RUNDC1: variants seen among roughly 807,000 people sequenced by gnomAD.
The protein encoded by RUNDC1 is RUN domain containing 1.
RUNDC1 carries 31 observed loss-of-function variants against 49.3 expected under a neutral mutation model. The observed-to-expected ratio is 0.63, with a 90% CI of 0.47 to 0.85. RUNDC1 has a LOEUF of 0.85. Ranked by LOEUF, RUNDC1 falls within the 40% of genes least tolerant of loss-of-function variation. RUNDC1 has a pLI of 0.00. For missense variants in RUNDC1, 715 were observed against 806.7 expected, an observed-to-expected ratio of 0.89 and a Z score of 1.38; for synonymous variants, 347 against 348.6, an observed-to-expected ratio of 1.00 and a Z score of 0.05.
chr17:42,989,642 T>C, intron 3 of RUNDC1, 103 bp downstream of exon 3: 1 of 1,100,054 alleles, frequency 9.1e-7, no homozygotes, highest in Admixed American at 2.0e-5. Context: ...TTTGTTCTTT[T>C]TTGGGCGGTG....
chr17:42,985,166 C>T (rs1290019432), intron 1 of RUNDC1, among the ~76,000 whole-genome samples: 1 of 152,156 alleles, frequency 6.6e-6, no homozygotes, highest in South Asian at 2.1e-4. Flanking sequence ...GGATTACAGG[C>T]ATGAGCCACT....
chr17:42,987,467 T>C, intron 2 of RUNDC1, 53 bp downstream of exon 2: 14 of 1,563,552 alleles, frequency 9.0e-6, no homozygotes, highest in Non-Finnish European at 1.2e-5. Flanking sequence ...ACTTGTCCCT[T>C]CCAGCATTCA....
chr17:42,995,036 G>GA lies in RUNDC1; in HGVS notation c.*3324dup, dbSNP rs1191898997. Among the ~76,000 whole-genome samples the GA allele has an allele frequency of 6.6e-6, 1 of 152,170 alleles. No homozygotes were observed. Among genetic ancestry groups the GA allele is most frequent in the Non-Finnish European group, 1.5e-5 (1 of 68,018 alleles). On this transcript the variant is annotated 3_prime_UTR_variant, in exon 5 of 5. Transcript: ENST00000361677. ...GCCTAGACTAGATGCTAAAGAAAGA[G>GA]AAAAGTAAACCTACCCCGTGCCCTC...
At chr17:42,985,023 G>A (rs536026715) in intron 1 of RUNDC1, among the ~76,000 whole-genome samples, 1 of 149,782 alleles carries the variant, frequency 6.7e-6, no homozygotes, top group Admixed American at 6.8e-5. Context: ...AGCCTCCCAA[G>A]TAGCTAGGAT....
In RUNDC1 at chr17:42,991,364, C is replaced by T. The variant is rs1292684683; in HGVS notation, c.1490C>T (p.Ser497Phe). Residue 497 changes from serine (S) to phenylalanine (F), a missense_variant, in exon 5 of 5, where the codon TCC becomes TTC. Physicochemically the swap from Ser to Phe is radical, Grantham distance 155 (BLOSUM62 -2). Around this residue, in one of 5 missense-constraint regions of RUNDC1, gnomAD observed 425 missense variants for 499.7 expected, o/e 0.85. Transcript: ENST00000361677. ...AYVESPARKL[S>F]QSFALPVTGG... ...GTGGAATCCCCAGCCCGGAAGCTCT[C>T]CCAGTCCTTCGCCCTTCCTGTTACG... The T allele has an allele frequency of 1.2e-6, 2 of 1,614,100 alleles. No individual in the cohort carries two copies. Among genetic ancestry groups the T allele is most frequent in the Non-Finnish European group, 1.7e-6 (2 of 1,180,046 alleles).
At chr17:42,990,566 G>A in intron 4 of RUNDC1, 130 bp downstream of exon 4, 2 of 987,890 alleles carry the variant, frequency 2.0e-6, no homozygotes, top group Non-Finnish European at 2.9e-6. Context: ...CTTTTGGGAA[G>A]GATGAAATAT....
At chr17:42,981,386 C>T (rs1015094825) in intron 1 of RUNDC1, 1 of 352,796 alleles carries the variant, frequency 2.8e-6, no homozygotes, top group South Asian at 6.9e-5. Flanking sequence ...AGCAGTGCTG[C>T]GCCCACTCAC....
chr17:42,985,609 T>TC, intron 1 of RUNDC1: 1 of 345,164 alleles, frequency 2.9e-6, no homozygotes, highest in South Asian at 1.3e-4. Flanking sequence ...TTTCTTTTTT[T>TC]TTTTTTTTTC....
In RUNDC1 at chr17:42,986,745, C is replaced by T. The variant is rs183586322; in HGVS notation, c.499-511C>T. ...CAATCTCCTGACCTCGTGATCCACC[C>T]GCCTCGGCCTCCCAAAGTGCTGGGA... On this transcript the variant is annotated intron_variant, in intron 1 of 4. Coordinates refer to ENST00000361677, the MANE Select transcript of RUNDC1 (RefSeq NM_173079.5). Among the ~76,000 whole-genome samples the T allele has an allele frequency of 3.0e-3, 449 of 151,688 alleles. 1 individual carries two copies. The highest frequency in any genetic ancestry group is 0.011 in the African/African-American group (434 of 41,324).
chr17:42,991,637 G>T lies in RUNDC1; in HGVS notation c.1763G>T (p.Ser588Ile). 1 of 1,614,120 alleles carries T rather than the reference G, an allele frequency of 6.2e-7. No homozygotes were observed. Among genetic ancestry groups the T allele is most frequent in the Non-Finnish European group, 8.5e-7 (1 of 1,180,042 alleles). ...TTTGAGAGTGCCCTCAACCTGCTCA[G>T]TCGCCTCAGCAGCCTCAAGTTTAGC... is the stretch of plus-strand genomic sequence containing the variant. ...TGFESALNLL[S>I]RLSSLKFSLP... The change falls in exon 5 of 5, where the codon AGT becomes ATT. Residue 588 changes from serine to isoleucine, a missense_variant. Around this residue, in one of 5 missense-constraint regions of RUNDC1, gnomAD observed 425 missense variants for 499.7 expected, o/e 0.85. Coordinates refer to ENST00000361677, the MANE Select transcript of RUNDC1 (RefSeq NM_173079.5).
intron 1 of RUNDC1, among the ~76,000 whole-genome samples, chr17:42,986,561 G>C (rs931480594): frequency 1.3e-5 from 2 of 151,722 alleles, no homozygotes; most frequent in South Asian, 4.2e-4. Flanking sequence ...GCAGTGGCGC[G>C]ATCTCTGCTC....
intron 2 of RUNDC1, among the ~76,000 whole-genome samples, chr17:42,988,502 C>T (rs2050199118): frequency 6.6e-6 from 1 of 152,096 alleles, no homozygotes; most frequent in South Asian, 2.1e-4. Flanking sequence ...ATCCACCCGC[C>T]TTGGCCTCCC....
rs2050236526 is a variant in RUNDC1 at position 42,991,244 on chromosome 17, C to T, written c.1370C>T (p.Ala457Val). 1.2e-6 allele frequency: 2 copies of T among 1,614,082 alleles called. No individual in the cohort carries two copies. Among genetic ancestry groups the T allele is most frequent in the Non-Finnish European group, 1.7e-6 (2 of 1,180,044 alleles). Residue 457 changes from alanine to valine, a missense_variant, in exon 5 of 5, where the codon GCT becomes GTT. By Grantham distance (64) the Ala-to-Val change is moderately conservative (BLOSUM62 0). Transcript: ENST00000361677. ...PGMSLVMAPI[A>V]CLLPAFSSAP... Reference sequence around the variant, plus strand: ...ATGAGCCTTGTTATGGCTCCTATTGCTTGTTTGCTGCCAGCCTTCTCCTCG... The same window carrying T: ...ATGAGCCTTGTTATGGCTCCTATTGTTTGTTTGCTGCCAGCCTTCTCCTCG...
At position 42,991,441 on chromosome 17, in the gene RUNDC1, G is replaced by A. The variant is rs889665334; in HGVS notation, c.1567G>A (p.Val523Met). 1 of 1,614,128 alleles carries A rather than the reference G, an allele frequency of 6.2e-7. No homozygotes were observed. The highest frequency in any genetic ancestry group is 1.3e-5 in the African/African-American group (1 of 74,938). ...GAGCCTACTGACAGCCATCCACATG[G>A]TGCTGACAGAGCATGACCCTTTTAA... ...KQSLLTAIHMVLTEHDPFKRS... is the reference protein window; with the variant it reads ...KQSLLTAIHMMLTEHDPFKRS... The change falls in exon 5 of 5, where the codon GTG (valine) becomes ATG (methionine). Residue 523 changes from valine (V) to methionine (M), a missense_variant. This residue lies in a region of RUNDC1 where 425 missense variants were observed against 499.7 expected (regional missense o/e 0.85). Transcript: ENST00000361677.
intron 1 of RUNDC1, chr17:42,985,657 G>C: frequency 1.3e-6 from 1 of 786,018 alleles, no homozygotes; most frequent in Non-Finnish European, 1.5e-6. Context: ...TCAGGGCTTG[G>C]TAAGTACCGT....
chr17:42,981,907 T>A (rs2050098732), intron 1 of RUNDC1: 1 of 152,036 alleles, frequency 6.6e-6, no homozygotes, highest in Admixed American at 6.6e-5. Flanking sequence ...AGACACCAGG[T>A]AAACGTTTCC....
Position 42,991,770 on chromosome 17 carries a change from A to G in RUNDC1, c.*54A>G, listed in dbSNP as rs76551330. On this transcript the variant is annotated 3_prime_UTR_variant, in exon 5 of 5. Transcript: ENST00000361677. ...CTTGTTCAGTAGGGATAGATGTGCTAGTCTTCTAGCATAGGAGCAAGGAAT... is the reference window on the plus strand; with the variant it reads ...CTTGTTCAGTAGGGATAGATGTGCTGGTCTTCTAGCATAGGAGCAAGGAAT... 2,660 of 1,537,746 alleles carry G rather than the reference A, an allele frequency of 1.7e-3. 32 individuals are homozygous for G. In the African/African-American group the frequency reaches 0.03, roughly 18 times the overall value.
intron 1 of RUNDC1, 27 bp downstream of exon 1, chr17:42,981,101 G>C: frequency 6.5e-7 from 1 of 1,544,482 alleles, no homozygotes; most frequent in Non-Finnish European, 8.7e-7. Context: ...GGGCCGCGAG[G>C]AATATGGGAA....
intron 1 of RUNDC1, among the ~76,000 whole-genome samples, chr17:42,986,230 C>T (rs140628799): frequency 3.3e-5 from 5 of 152,070 alleles, no homozygotes; most frequent in South Asian, 4.2e-4. Context: ...CCTCCCGCCT[C>T]GGCCACTCAA....
Sources: gnomAD v4.1 joint callset for allele counts (sites outside exome capture counted in the v4.1 genomes callset) on GRCh38, gnomAD v4.1.1 for gene constraint, gnomAD v4.1.1 regional missense constraint, MANE v1.5 for transcripts, NCBI Gene and HGNC (gene_info 2026-07-23, HGNC 2026-07-21) for gene names.